MEGF11: variants seen among roughly 807,000 people sequenced by gnomAD.
MEGF11 encodes the protein multiple epidermal growth factor-like domains protein 11.
A neutral mutation model predicts 146.6 loss-of-function variants in MEGF11; 126 were observed. That is an observed-to-expected ratio of 0.86 (90% CI 0.74 to 1.00). The LOEUF (loss-of-function observed/expected upper bound fraction) is 1.00. Among genes scored for constraint, MEGF11 ranks in the 50% least tolerant of loss-of-function variants. MEGF11 has a pLI of 0.00. For synonymous variants in MEGF11, 532 were observed against 583.4 expected (o/e 0.91, Z 1.27); for missense variants, 1,509 against 1,521.2 (o/e 0.99, Z 0.13).
At chr15:66,150,823 C>CGAGAGAGAGAGAGAGAGAGA (rs66595752) in intron 1 of MEGF11, among the ~76,000 whole-genome samples, 1 of 104,290 alleles carries the variant, frequency 9.6e-6, no homozygotes, top group African/African-American at 3.9e-5. Flanking sequence ...AATGCCCTGT[C>CGAGAGAGAGAGAGAGAGAGA]GAGAGAGAGA....
intron 21 of MEGF11, among the ~76,000 whole-genome samples, 182 bp downstream of exon 21, chr15:65,911,900 C>G (rs959013996): frequency 5.3e-5 from 8 of 152,194 alleles, no homozygotes; most frequent in African/African-American, 1.7e-4. Flanking sequence ...CATGCTGGCT[C>G]CATTACATGC....
chr15:66,002,910 T>G (rs551406395), intron 5 of MEGF11, among the ~76,000 whole-genome samples: 10 of 152,294 alleles, frequency 6.6e-5, no homozygotes, highest in Non-Finnish European at 1.2e-4. Context: ...GGAAAATGAT[T>G]TTTTCAAGGT....
intron 10 of MEGF11, among the ~76,000 whole-genome samples, chr15:65,951,618 T>A (rs2080403206): frequency 6.6e-6 from 1 of 151,564 alleles, no homozygotes; most frequent in Non-Finnish European, 1.5e-5. Context: ...ACCCGGGAGG[T>A]GGAGGTTGCA....
intron 1 of MEGF11, 74 bp from the exon 2 acceptor site, chr15:66,128,485 C>T (rs1324289461): frequency 1.3e-5 from 11 of 816,384 alleles, no homozygotes; most frequent in East Asian, 3.3e-5. Flanking sequence ...TTCCCATCGT[C>T]GTGGGTAATG....
At chr15:66,062,705 G>A (rs1597043080) in intron 5 of MEGF11, among the ~76,000 whole-genome samples, 1 of 152,332 alleles carries the variant, frequency 6.6e-6, no homozygotes, top group East Asian at 1.9e-4. Flanking sequence ...TACTAAATAT[G>A]TGGGAGTTCT....
chr15:65,993,518 A>G lies in MEGF11; in HGVS notation c.395-11030T>C, dbSNP rs138946243. ...AATCATGTCTGTGCACAAAGGAATT[A>G]CCTCTTTGGAAGAGCCTTTCAAAGG... On this transcript the variant is annotated intron_variant, in intron 5 of 25. Transcript: ENST00000395614. Among the ~76,000 whole-genome samples, 660 of 152,260 alleles carry G rather than the reference A, an allele frequency of 4.3e-3. 6 individuals carry two copies. Among genetic ancestry groups the G allele is most frequent in the African/African-American group, 0.015 (621 of 41,540 alleles).
intron 15 of MEGF11, among the ~76,000 whole-genome samples, chr15:65,920,194 C>T (rs1186039455): frequency 1.3e-5 from 2 of 152,184 alleles, no homozygotes; most frequent in Non-Finnish European, 2.9e-5. Flanking sequence ...AATGGGAACC[C>T]TCACCGACTG....
chr15:65,928,971 A>G lies in MEGF11; in HGVS notation c.1573-444T>C, dbSNP rs193214401. Among the ~76,000 whole-genome samples, 276 of 152,350 alleles carry G rather than the reference A, an allele frequency of 1.8e-3. 1 individual carries two copies. Among genetic ancestry groups the G allele is most frequent in the Middle Eastern group, 3.4e-3 (1 of 294 alleles). ...GGGAAGAAGGTAGTCACCAATTCTT[A>G]TATGCTCATTAGGTATCAAGAGCCT... is the stretch of plus-strand genomic sequence containing the variant. On this transcript the variant is annotated intron_variant, in intron 12 of 25. Transcript: ENST00000395614.
intron 10 of MEGF11, among the ~76,000 whole-genome samples, chr15:65,946,097 T>G (rs901060841): frequency 1.3e-5 from 2 of 152,162 alleles, no homozygotes; most frequent in Non-Finnish European, 2.9e-5. Flanking sequence ...CCAGAGTAAG[T>G]GCTATAGATG....
At chr15:66,019,863 A>AT (rs2083044505) in intron 5 of MEGF11, among the ~76,000 whole-genome samples, 1 of 152,184 alleles carries the variant, frequency 6.6e-6, no homozygotes, top group Admixed American at 6.5e-5. Flanking sequence ...AGGAGCTTTT[A>AT]TCCCTCCAGC....
chr15:66,158,912 CTG>C (rs1054662028), intron 1 of MEGF11, among the ~76,000 whole-genome samples: 2 of 152,214 alleles, frequency 1.3e-5, no homozygotes, highest in Admixed American at 1.3e-4. Flanking sequence ...CTTCTAAACT[CTG>C]TGTCTTTAGA....
chr15:66,171,422 C>T (rs77750864), intron 1 of MEGF11, among the ~76,000 whole-genome samples: 7 of 145,672 alleles, frequency 4.8e-5, no homozygotes, highest in South Asian at 2.3e-4. Flanking sequence ...ATGATGAAAA[C>T]GCCCCTTGCT....
At chr15:66,038,047 A>C (rs2083794178) in intron 5 of MEGF11, among the ~76,000 whole-genome samples, 1 of 152,238 alleles carries the variant, frequency 6.6e-6, no homozygotes, top group African/African-American at 2.4e-5. Context: ...TTTTATATGT[A>C]ATAAAATTTC....
At chr15:66,031,147 C>G (rs114837264) in intron 5 of MEGF11, among the ~76,000 whole-genome samples, 204 of 152,286 alleles carry the variant, frequency 1.3e-3, no homozygotes, top group African/African-American at 4.7e-3. Flanking sequence ...TCTTAGAAGC[C>G]TCTTTTGATG....
chr15:66,102,509 C>T (rs189147428), intron 4 of MEGF11, among the ~76,000 whole-genome samples: 6 of 151,314 alleles, frequency 4.0e-5, no homozygotes, highest in Non-Finnish European at 2.9e-5. Flanking sequence ...TCACTGTAAC[C>T]TCCAACTCCT....
intron 9 of MEGF11, among the ~76,000 whole-genome samples, chr15:65,961,330 G>A (rs1217303381): frequency 6.6e-6 from 1 of 152,154 alleles, no homozygotes; most frequent in African/African-American, 2.4e-5. Flanking sequence ...TTAATCACAA[G>A]TTAATAGGAA....
intron 1 of MEGF11, among the ~76,000 whole-genome samples, chr15:66,185,626 A>G (rs2090674252): frequency 1.3e-5 from 2 of 152,062 alleles, no homozygotes; most frequent in African/African-American, 4.8e-5. Context: ...CCTGTCAAAG[A>G]CTCAGGAGAT....
At position 66,221,592 on chromosome 15, in the gene MEGF11, G is replaced by A. The variant is rs1437662582; in HGVS notation, c.-9+32013C>T. On this transcript the variant is annotated intron_variant, in intron 1 of 25. Transcript: ENST00000395614. ...GCACTTAGAAGGCAGAGAGAAGTGG[G>A]GAGGGAGCGGGGACAGACCTCTCTT... Among the ~76,000 whole-genome samples the A allele has an allele frequency of 4.5e-5, 6 of 133,810 alleles. No homozygotes were observed. In the East Asian group the frequency reaches 8.2e-4, roughly 18 times the overall value. 87.8% of individuals were successfully genotyped at this position (133,810 alleles called of 152,430 possible).
chr15:66,169,473 G>C (rs1397657268), intron 1 of MEGF11, among the ~76,000 whole-genome samples: 1 of 152,150 alleles, frequency 6.6e-6, no homozygotes, highest in African/African-American at 2.4e-5. Context: ...CTCTCTCTCT[G>C]AAATATCATT....
Sources: allele counts gnomAD v4.1 joint callset (sites outside exome capture counted in the v4.1 genomes callset), GRCh38; gene constraint gnomAD v4.1.1; transcripts MANE v1.5; gene names NCBI Gene and HGNC (gene_info 2026-07-23, HGNC 2026-07-21).